Variants in DOP1A observed in about 807,000 individuals in gnomAD.
The protein encoded by DOP1A is protein DOP1A.
Under a neutral mutation model 267.6 loss-of-function variants are expected in DOP1A, and 90 were observed. That is an observed-to-expected ratio of 0.34 (90% CI 0.28 to 0.40). The LOEUF (loss-of-function observed/expected upper bound fraction) is 0.40. Among genes scored for constraint, DOP1A ranks in the 10% least tolerant of loss-of-function variants. The pLI is 1.00. For missense variants in DOP1A, 2,437 were observed against 2,900.4 expected (o/e 0.84, Z 3.67); for synonymous variants, 932 against 999.1 (o/e 0.93, Z 1.27).
At chr6:83,105,898 A>G (rs1002398610) in intron 4 of DOP1A, among the ~76,000 whole-genome samples, 8 of 152,202 alleles carry the variant, frequency 5.3e-5, no homozygotes, top group African/African-American at 1.9e-4. Context: ...CTTCAGTTGT[A>G]GTATACCTAT....
At chr6:83,126,047 A>G (rs1227327007) in intron 15 of DOP1A, among the ~76,000 whole-genome samples, 1 of 151,704 alleles carries the variant, frequency 6.6e-6, no homozygotes, top group Non-Finnish European at 1.5e-5. Flanking sequence ...TATTATTTCA[A>G]TGTAATCTAT....
intron 4 of DOP1A, among the ~76,000 whole-genome samples, chr6:83,106,904 G>C (rs564238665): frequency 6.6e-6 from 1 of 152,180 alleles, no homozygotes; most frequent in Non-Finnish European, 1.5e-5. Flanking sequence ...AGAATGCTCT[G>C]GTTAATAGTA....
At chr6:83,081,071 A>G (rs1310044960) in intron 1 of DOP1A, among the ~76,000 whole-genome samples, 1 of 152,190 alleles carries the variant, frequency 6.6e-6, no homozygotes, top group Non-Finnish European at 1.5e-5. Context: ...GACTAATGGA[A>G]CAGAATAGAG....
chr6:83,134,334 T>C, intron 19 of DOP1A, 47 bp downstream of exon 19: 2 of 1,528,528 alleles, frequency 1.3e-6, no homozygotes, highest in Middle Eastern at 1.9e-4. Context: ...TATCTTAATG[T>C]TGCCTCTTTC....
At chr6:83,094,859 G>A (rs1290428278) in intron 1 of DOP1A, among the ~76,000 whole-genome samples, 2 of 152,092 alleles carry the variant, frequency 1.3e-5, no homozygotes, top group South Asian at 2.1e-4. Context: ...TTTGCAACAC[G>A]AAAGTTTTAC....
intron 1 of DOP1A, among the ~76,000 whole-genome samples, chr6:83,074,503 G>C (rs545350874): frequency 6.6e-6 from 1 of 151,914 alleles, no homozygotes; most frequent in Admixed American, 6.6e-5. Flanking sequence ...CTTTACACTC[G>C]TGCAAAAATG....
Position 83,139,025 on chromosome 6 carries a change from T to G in DOP1A, c.4983T>G (p.Ile1661Met). The G allele has an allele frequency of 1.2e-6, 2 of 1,614,094 alleles. No individual in the cohort carries two copies. Among genetic ancestry groups the G allele is most frequent in the South Asian group, 2.2e-5 (2 of 91,070 alleles). Reference sequence around the variant, plus strand: ...CATGTAAGATGCACCCACAATGGATTGGTTTAATCACATCTACTCTGCCTT... The same window carrying G: ...CATGTAAGATGCACCCACAATGGATGGGTTTAATCACATCTACTCTGCCTT... Reference protein sequence around the residue: ...HCACKMHPQWIGLITSTLPYM... With the variant: ...HCACKMHPQWMGLITSTLPYM... Residue 1661 changes from isoleucine (I) to methionine (M), a missense_variant, in exon 21 of 39, where the codon ATT becomes ATG. By Grantham distance (10) the Ile-to-Met change is conservative. This residue lies in a region of DOP1A where 307 missense variants were observed against 308.6 expected (regional missense o/e 0.99). Coordinates refer to ENST00000349129, the MANE Select transcript of DOP1A (RefSeq NM_015018.4).
rs1396588048 is a variant in DOP1A at position 83,125,522 on chromosome 6, CA to C, written c.1509del (p.Glu504AsnfsTer10). The part of the protein sequence containing the change: ...LCQETYIEIQ[T>X]EHLPQLLLRM... ...CAGGAGACTTACATTGAAATCCAGA[CA>C]GAACACTTGCCCCAGTTGCTGCTCA... On this transcript the variant is annotated frameshift_variant, in exon 15 of 39. Transcript: ENST00000349129. LOFTEE classifies it high-confidence loss of function. 6.2e-7 allele frequency: 1 copy of C among 1,613,652 alleles called. No individual in the cohort carries two copies. Among genetic ancestry groups the C allele is most frequent in the African/African-American group, 1.3e-5 (1 of 74,996 alleles).
In DOP1A at chr6:83,118,987, G is replaced by C. The variant is rs1418358018; in HGVS notation, c.880G>C (p.Gly294Arg). ...TCGAAGACTTTATGCATGGCTTCTT[G>C]GTAGGTATTTGATGTCTGTGGTCAT... ...LNRRLYAWLL[G>R]FDNNGAIIGP... Residue 294 changes from glycine to arginine, a missense_variant and splice_region_variant, in exon 8 of 39, where the codon GGT becomes CGT. Physicochemically the swap from Gly to Arg is moderately radical, Grantham distance 125. This residue lies in a region of DOP1A where 251 missense variants were observed against 359.1 expected (regional missense o/e 0.70). Transcript: ENST00000349129. 1.9e-6 allele frequency: 3 copies of C among 1,613,058 alleles called. No homozygotes were observed. In the East Asian group the frequency reaches 6.7e-5, roughly 36 times the overall value.
Position 83,138,400 on chromosome 6 carries a change from T to C in DOP1A, c.4358T>C (p.Ile1453Thr), listed in dbSNP as rs1562348658. ...SNHNFRSSMY[I>T]EILISLCLYY... is the part of the protein sequence containing the mutation. ...CATAACTTCCGGAGTTCTATGTACA[T>C]AGAAATTCTTATTTCTCTCTGCTTA... Residue 1453 changes from isoleucine to threonine, a missense_variant, in exon 21 of 39, where the codon ATA becomes ACA. By Grantham distance (89) the Ile-to-Thr change is moderately conservative. Around this residue, in one of 9 missense-constraint regions of DOP1A, gnomAD observed 878 missense variants for 992.9 expected, o/e 0.88. Transcript: ENST00000349129. The C allele has an allele frequency of 6.8e-6, 11 of 1,611,012 alleles. No homozygotes were observed. Among genetic ancestry groups the C allele is most frequent in the African/African-American group, 1.3e-5 (1 of 74,906 alleles).
intron 21 of DOP1A, among the ~76,000 whole-genome samples, chr6:83,139,364 A>T (rs1174787915): frequency 6.6e-6 from 1 of 152,142 alleles, no homozygotes; most frequent in Non-Finnish European, 1.5e-5. Flanking sequence ...AAGGGAAGGA[A>T]TATTTAAACA....
In DOP1A at chr6:83,096,779, A is replaced by G. The variant is rs1771590367; in HGVS notation, c.-98A>G. ...TTTCAGGCTGTCTTTGAATACTTCC[A>G]TGACCCTGAACACTAGCTGAGGAGA... On this transcript the variant is annotated 5_prime_UTR_variant, in exon 2 of 39. An upstream start codon of the reference 5' UTR is lost. Transcript: ENST00000349129. The G allele has an allele frequency of 2.1e-6, 1 of 484,046 alleles. No homozygotes were observed. The highest frequency in any genetic ancestry group is 3.6e-6 in the Non-Finnish European group (1 of 280,708). 30.0% of individuals were successfully genotyped at this position (484,046 alleles called of 1,614,324 possible).
chr6:83,106,817 A>AAG (rs1303114945), intron 4 of DOP1A, among the ~76,000 whole-genome samples: 1 of 151,568 alleles, frequency 6.6e-6, no homozygotes, highest in Non-Finnish European at 1.5e-5. Flanking sequence ...AAAAAAAAAA[A>AAG]AGAGAGAGAG....
chr6:83,112,576 T>G (rs1774737760), intron 6 of DOP1A, among the ~76,000 whole-genome samples: 1 of 152,138 alleles, frequency 6.6e-6, no homozygotes, highest in South Asian at 2.1e-4. Context: ...TAAACTCCCT[T>G]GCCTCAGCCA....
At chr6:83,162,758 T>C (rs780708325) in intron 37 of DOP1A, 32 bp from the exon 38 acceptor site, 2 of 1,585,022 alleles carry the variant, frequency 1.3e-6, no homozygotes, top group Non-Finnish European at 1.7e-6. Context: ...AAGTCTGTCT[T>C]ACTGATGCTG....
At chr6:83,150,024 A>C (rs1309970683) in intron 27 of DOP1A, among the ~76,000 whole-genome samples, 2 of 152,238 alleles carry the variant, frequency 1.3e-5, no homozygotes, top group Non-Finnish European at 2.9e-5. Context: ...ATGTGTTAAC[A>C]GCAAATGCTT....
chr6:83,093,150 A>G (rs1191229471), intron 1 of DOP1A, among the ~76,000 whole-genome samples: 1 of 152,206 alleles, frequency 6.6e-6, no homozygotes, highest in Non-Finnish European at 1.5e-5. Flanking sequence ...TCACTGTCCC[A>G]ATTGGGAATG....
chr6:83,138,477 T>C lies in DOP1A; in HGVS notation c.4435T>C (p.Leu1479=). ...PTHVKVTAQD[L]IGNRNMQMMS... The stretch of plus-strand genomic sequence containing the variant: ...TCATGTCAAGGTTACTGCACAAGAT[T>C]TAATAGGCAATCGAAACATGCAAAT... Residue 1479 remains leucine, a synonymous_variant, in exon 21 of 39, where the codon TTA becomes CTA. Transcript: ENST00000349129. The C allele has an allele frequency of 6.2e-7, 1 of 1,613,236 alleles. No individual in the cohort carries two copies. Among genetic ancestry groups the C allele is most frequent in the Non-Finnish European group, 8.5e-7 (1 of 1,179,914 alleles).
downstream of DOP1A, chr6:83,170,752 A>ATCACACACAAAAAC: frequency 3.6e-6 from 1 of 275,184 alleles, no homozygotes; most frequent in South Asian, 9.6e-5. Flanking sequence ...TAAGTCCCAT[A>ATCACACACAAAAAC]TCACACACAA....
Sources: gnomAD v4.1 joint callset for allele counts (sites outside exome capture counted in the v4.1 genomes callset) on GRCh38, gnomAD v4.1.1 for gene constraint, gnomAD v4.1.1 regional missense constraint, MANE v1.5 for transcripts, NCBI Gene and HGNC (gene_info 2026-07-23, HGNC 2026-07-21) for gene names.